Variants in TBC1D22A observed in about 807,000 individuals in gnomAD.
TBC1D22A encodes TBC1 domain family member 22A, also known as putative GTPase activator.
TBC1D22A carries 38 observed loss-of-function variants against 60.2 expected under a neutral mutation model. That is an observed-to-expected ratio of 0.63 (90% confidence interval 0.49 to 0.83). The LOEUF (loss-of-function observed/expected upper bound fraction) is 0.83, where lower values mean the gene tolerates loss of function less well. Ranked by LOEUF, TBC1D22A falls within the 40% of genes least tolerant of loss-of-function variation. TBC1D22A has a pLI of 0.00. For missense variants in TBC1D22A, 628 were observed against 701.0 expected, an observed-to-expected ratio of 0.90 and a Z score of 1.18; for synonymous variants, 302 against 281.7, an observed-to-expected ratio of 1.07 and a Z score of -0.72.
chr22:46,769,554 G>A (rs1427602853), intron 1 of TBC1D22A, among the ~76,000 whole-genome samples: 5 of 152,162 alleles, frequency 3.3e-5, no homozygotes, highest in Non-Finnish European at 5.9e-5. Flanking sequence ...CGCTTCCGCC[G>A]AGACCTGGCT....
intron 8 of TBC1D22A, among the ~76,000 whole-genome samples, chr22:46,962,082 T>TG (rs547996116): frequency 5.6e-4 from 86 of 152,316 alleles, no homozygotes; most frequent in African/African-American, 2.0e-3. Flanking sequence ...CCTCTGGTCC[T>TG]GGGGGGAGTG....
intron 8 of TBC1D22A, among the ~76,000 whole-genome samples, chr22:46,946,748 A>T (rs2072571903): frequency 6.6e-6 from 1 of 152,196 alleles, no homozygotes; most frequent in Non-Finnish European, 1.5e-5. Context: ...AGTCTGTGCT[A>T]CCTGGAATGA....
chr22:47,144,983 A>G (rs987134698), intron 12 of TBC1D22A, among the ~76,000 whole-genome samples: 1 of 152,258 alleles, frequency 6.6e-6, no homozygotes, highest in Non-Finnish European at 1.5e-5. Context: ...GACCAGAGCC[A>G]TGTAGATGTT....
chr22:46,852,166 G>A (rs1217701593), intron 4 of TBC1D22A, among the ~76,000 whole-genome samples: 1 of 152,236 alleles, frequency 6.6e-6, no homozygotes, highest in African/African-American at 2.4e-5. Context: ...GGGCATCACA[G>A]TGGCCTTGTA....
At chr22:46,913,226 A>C (rs6008000) in intron 8 of TBC1D22A, 1 of 667,116 alleles carries the variant, frequency 1.5e-6, no homozygotes, top group Non-Finnish European at 2.3e-6. Flanking sequence ...AATAGGAAAG[A>C]GGGGACTTTA....
intron 12 of TBC1D22A, among the ~76,000 whole-genome samples, chr22:47,139,997 A>T (rs2067019637): frequency 6.6e-6 from 1 of 152,216 alleles, no homozygotes; most frequent in South Asian, 2.1e-4. Context: ...ATTCATTCAT[A>T]TCTTTTTATA....
chr22:47,117,652 G>A (rs954936174), intron 12 of TBC1D22A, among the ~76,000 whole-genome samples: 7 of 152,178 alleles, frequency 4.6e-5, no homozygotes, highest in Non-Finnish European at 7.3e-5. Context: ...AAAGCAGGAC[G>A]CTCCCGGGAG....
At chr22:46,826,339 A>G (rs2086065436) in intron 4 of TBC1D22A, among the ~76,000 whole-genome samples, 1 of 152,166 alleles carries the variant, frequency 6.6e-6, no homozygotes, top group Non-Finnish European at 1.5e-5. Context: ...TTTTCCCATT[A>G]AACACTGCCT....
intron 10 of TBC1D22A, among the ~76,000 whole-genome samples, chr22:47,031,361 G>A (rs748767054): frequency 2.0e-5 from 3 of 152,208 alleles, no homozygotes; most frequent in Non-Finnish European, 2.9e-5. Flanking sequence ...CTTCCTTGTA[G>A]CTTTGCTTTC....
chr22:47,010,710 C>T (rs187606083), intron 10 of TBC1D22A, among the ~76,000 whole-genome samples: 1 of 152,162 alleles, frequency 6.6e-6, no homozygotes, highest in African/African-American at 2.4e-5. Flanking sequence ...GGAATTTGCT[C>T]TCTTGTTGGA....
At chr22:47,001,180 G>T (rs1430656080) in intron 10 of TBC1D22A, among the ~76,000 whole-genome samples, 1 of 152,110 alleles carries the variant, frequency 6.6e-6, no homozygotes, top group Non-Finnish European at 1.5e-5. Flanking sequence ...GAGGATCAGG[G>T]TTGTTTGAAC....
At chr22:46,857,707 CTG>C (rs1265341795) in intron 4 of TBC1D22A, among the ~76,000 whole-genome samples, 1 of 152,098 alleles carries the variant, frequency 6.6e-6, no homozygotes, top group Non-Finnish European at 1.5e-5. Context: ...CTTTCTGTCT[CTG>C]TGGATTCATA....
chr22:47,081,154 A>G (rs900505684), intron 11 of TBC1D22A, among the ~76,000 whole-genome samples: 3 of 150,586 alleles, frequency 2.0e-5, no homozygotes, highest in Admixed American at 2.0e-4. Context: ...GACAGTACAC[A>G]CTGAGTAGCA....
At chr22:46,838,234 G>T (rs1456549040) in intron 4 of TBC1D22A, among the ~76,000 whole-genome samples, 1 of 152,152 alleles carries the variant, frequency 6.6e-6, no homozygotes, top group Non-Finnish European at 1.5e-5. Context: ...CTAAGAGTTG[G>T]TTTTTTAAGG....
At chr22:46,791,417 G>A (rs2084400696) in intron 1 of TBC1D22A, among the ~76,000 whole-genome samples, 2 of 152,172 alleles carry the variant, frequency 1.3e-5, no homozygotes, top group African/African-American at 4.8e-5. Context: ...TGTCTGCCCT[G>A]CTGCCCTTCA....
At chr22:47,172,388 T>C (rs2068517077) in intron 12 of TBC1D22A, among the ~76,000 whole-genome samples, 1 of 152,236 alleles carries the variant, frequency 6.6e-6, no homozygotes, top group Non-Finnish European at 1.5e-5. Flanking sequence ...ATGCTGTGAC[T>C]GGGAAGTAGA....
At chr22:46,987,786 A>G (rs1602834168) in intron 9 of TBC1D22A, among the ~76,000 whole-genome samples, 1 of 152,266 alleles carries the variant, frequency 6.6e-6, no homozygotes, top group South Asian at 2.1e-4. Flanking sequence ...GGCTGTGGCA[A>G]TTTGTTAAAT....
chr22:46,939,136 C>G (rs531172471), intron 8 of TBC1D22A, among the ~76,000 whole-genome samples: 18 of 151,538 alleles, frequency 1.2e-4, no homozygotes, highest in Non-Finnish European at 1.8e-4. Context: ...TTATTTTTCA[C>G]TTGTAATAGC....
At chr22:46,825,502 C>G (rs2086014355) in intron 4 of TBC1D22A, among the ~76,000 whole-genome samples, 1 of 152,208 alleles carries the variant, frequency 6.6e-6, no homozygotes, top group African/African-American at 2.4e-5. Flanking sequence ...GAGACAGAGT[C>G]TCACTCTATC....
Sources: allele counts gnomAD v4.1 joint callset (sites outside exome capture counted in the v4.1 genomes callset), GRCh38; gene constraint gnomAD v4.1.1; transcripts MANE v1.5; gene names NCBI Gene and HGNC (gene_info 2026-07-23, HGNC 2026-07-21).